The following ZNF69 variants were observed in gnomAD, a reference collection of about 807,000 sequenced individuals.
ZNF69 encodes ZNF3.
ZNF69 carries 47 observed loss-of-function variants against 50.9 expected under a neutral mutation model. The ratio of observed to expected loss-of-function variants is 0.92; its 90% confidence interval spans 0.73 to 1.18. ZNF69 has a LOEUF of 1.18. ZNF69 is among the 50% of genes most tolerant of loss of function. ZNF69 has a pLI of 0.00. For missense variants in ZNF69, 717 were observed against 675.1 expected, an observed-to-expected ratio of 1.06 and a Z score of -0.69; for synonymous variants, 216 against 223.1, an observed-to-expected ratio of 0.97 and a Z score of 0.29.
downstream of ZNF69, among the ~76,000 whole-genome samples, chr19:11,916,836 G>T (rs1972526939): frequency 6.6e-6 from 1 of 151,958 alleles, no homozygotes; most frequent in Non-Finnish European, 1.5e-5. Flanking sequence ...GTAGTAAGGT[G>T]CTCTTGCACA....
chr19:11,924,879 A>T, the ZNF69 span, among the ~76,000 whole-genome samples: 2 of 152,186 alleles, frequency 1.3e-5, no homozygotes. Context: ...CTCTTCTATC[A>T]ATAGCAAGTT....
the ZNF69 span, among the ~76,000 whole-genome samples, chr19:11,931,544 T>C: frequency 1.3e-5 from 2 of 148,312 alleles, 1 homozygote; most frequent in African/African-American, 5.3e-5. Context: ...CTATAGAGGA[T>C]CTTGTCTATT....
At chr19:11,948,955 T>G in the ZNF69 span, 1 of 1,608,484 alleles carries the variant, frequency 6.2e-7, no homozygotes, top group Non-Finnish European at 8.5e-7. Flanking sequence ...ATGCAAAGAA[T>G]GTGGAAAAGC....
downstream of ZNF69, among the ~76,000 whole-genome samples, chr19:11,910,212 G>A (rs1316764112): frequency 6.6e-6 from 1 of 152,172 alleles, no homozygotes; most frequent in Admixed American, 6.5e-5. Flanking sequence ...CTCGTGGATA[G>A]GAAGAATCAA....
At chr19:11,933,803 C>T in the ZNF69 span, among the ~76,000 whole-genome samples, 1 of 144,906 alleles carries the variant, frequency 6.9e-6, no homozygotes, top group Non-Finnish European at 1.5e-5. Flanking sequence ...TGAGATGGCG[C>T]CACTGCACTC....
At chr19:11,964,767 A>G in the ZNF69 span, among the ~76,000 whole-genome samples, 1 of 151,682 alleles carries the variant, frequency 6.6e-6, no homozygotes, top group Non-Finnish European at 1.5e-5. Flanking sequence ...AGCGGGGAAA[A>G]TCCCTTGAGT....
chr19:11,974,812 A>C, the ZNF69 span, among the ~76,000 whole-genome samples: 3 of 152,148 alleles, frequency 2.0e-5, no homozygotes, highest in Non-Finnish European at 4.4e-5. Context: ...CATGTTGGCC[A>C]GGCTGATCTT....
intron 4 of ZNF69, among the ~76,000 whole-genome samples, chr19:11,911,906 T>C (rs1397773047): frequency 2.6e-5 from 4 of 152,204 alleles, no homozygotes; most frequent in Admixed American, 2.0e-4. Context: ...CCAAGTCATT[T>C]CAAATACATG....
chr19:11,928,776 A>G, the ZNF69 span, among the ~76,000 whole-genome samples: 2 of 143,480 alleles, frequency 1.4e-5, no homozygotes, highest in African/African-American at 2.9e-5. Context: ...TAGTCTTACT[A>G]CAGAGATCAG....
the ZNF69 span, among the ~76,000 whole-genome samples, chr19:11,920,616 G>A: frequency 7.0e-6 from 1 of 142,028 alleles, no homozygotes; most frequent in African/African-American, 2.7e-5. Context: ...GGCTGGGCGC[G>A]GTGGTTCACA....
chr19:11,892,159 G>A (rs76710934), intron 1 of ZNF69, among the ~76,000 whole-genome samples: 2 of 52,604 alleles, frequency 3.8e-5, no homozygotes, highest in Non-Finnish European at 8.0e-5. Context: ...TTTTTTTTTT[G>A]TATGCAGGTG....
intron 1 of ZNF69, among the ~76,000 whole-genome samples, chr19:11,901,460 C>A (rs564031249): frequency 2.0e-5 from 3 of 152,214 alleles, no homozygotes; most frequent in East Asian, 1.9e-4. Context: ...TTGTCAGATG[C>A]CTTTTCTGCC....
chr19:11,957,023 C>T, the ZNF69 span, among the ~76,000 whole-genome samples: 1 of 151,892 alleles, frequency 6.6e-6, no homozygotes, highest in Non-Finnish European at 1.5e-5. Context: ...CCGCAAGTGA[C>T]AGTTTTTGTC....
chr19:11,965,054 G>T, the ZNF69 span: 2 of 904,092 alleles, frequency 2.2e-6, no homozygotes, highest in Non-Finnish European at 3.5e-6. Flanking sequence ...CCTCACCTTT[G>T]TCCTTGCGCA....
At chr19:11,970,168 C>T in the ZNF69 span, among the ~76,000 whole-genome samples, 1,085 of 152,292 alleles carry the variant, frequency 7.1e-3, 18 homozygotes, top group African/African-American at 0.025. Flanking sequence ...GCTGTTCTGC[C>T]AATCGGATGT....
the ZNF69 span, among the ~76,000 whole-genome samples, chr19:11,948,092 T>G: frequency 6.6e-6 from 1 of 152,230 alleles, no homozygotes; most frequent in African/African-American, 2.4e-5. Context: ...ATGAATATTT[T>G]TTTAAACAAT....
the ZNF69 span, among the ~76,000 whole-genome samples, chr19:11,976,208 C>T: frequency 2.0e-5 from 3 of 150,978 alleles, no homozygotes; most frequent in Non-Finnish European, 4.4e-5. Flanking sequence ...AGCCTCAGGA[C>T]TGCTAATGTT....
At chr19:11,941,854 C>T in the ZNF69 span, among the ~76,000 whole-genome samples, 1 of 152,230 alleles carries the variant, frequency 6.6e-6, no homozygotes, top group South Asian at 2.1e-4. Context: ...ATGCTGTCAC[C>T]TCTCAGTATG....
rs779475087 is a variant in ZNF69 at position 11,906,078 on chromosome 19, C to A, written c.1681C>A (p.Pro561Thr). Residue 561 changes from proline (P) to threonine (T), a missense_variant, in exon 4 of 4, where the codon CCC becomes ACC. Transcript: ENST00000429654. The part of the protein sequence containing the change: ...MHGRTHPEDK[P>T]YECKQ ...TGGTAGGACTCACCCTGAAGATAAA[C>A]CCTATGAGTGTAAGCAATGAGGGAA... is the stretch of plus-strand genomic sequence containing the variant. 30 of 1,612,322 alleles carry A rather than the reference C, an allele frequency of 1.9e-5. No individual in the cohort carries two copies. Among genetic ancestry groups the A allele is most frequent in the Non-Finnish European group, 2.4e-5 (28 of 1,179,422 alleles).
Sources: allele counts gnomAD v4.1 joint callset (sites outside exome capture counted in the v4.1 genomes callset), GRCh38; gene constraint gnomAD v4.1.1; transcripts MANE v1.5; gene names NCBI Gene and HGNC (gene_info 2026-07-23, HGNC 2026-07-21).